MID2: variants seen among roughly 807,000 people sequenced by gnomAD.
MID2 encodes the protein midline 2.
Under a neutral mutation model 46.1 loss-of-function variants are expected in MID2, and 13 were observed. The ratio of observed to expected loss-of-function variants is 0.28; its 90% CI spans 0.18 to 0.45. The LOEUF (loss-of-function observed/expected upper bound fraction) is 0.45, where lower values mean the gene tolerates loss of function less well. Among genes scored for constraint, MID2 ranks in the 20% least tolerant of loss-of-function variants. MID2 has a pLI of 1.00. For synonymous variants in MID2, 199 were observed against 212.3 expected (o/e 0.94, Z 0.55); for missense variants, 431 against 575.4 (o/e 0.75, Z 2.57).
intron 3 of MID2, among the ~76,000 whole-genome samples, chrX:107,901,991 AG>A (rs1932797950): frequency 1.8e-5 from 2 of 111,885 alleles, no homozygotes; most frequent in Admixed American, 1.9e-4. Context: ...ATTGAAGAAA[AG>A]GGTGTTGTTA....
chrX:107,882,485 C>G (rs1376985239), intron 3 of MID2, among the ~76,000 whole-genome samples: 1 of 110,887 alleles, frequency 9.0e-6, no homozygotes, highest in Non-Finnish European at 1.9e-5. Flanking sequence ...CCAGAATCTA[C>G]AGTGAACTCA....
intron 1 of MID2, among the ~76,000 whole-genome samples, chrX:107,832,636 T>C (rs773894604): frequency 6.3e-5 from 7 of 111,636 alleles, no homozygotes; most frequent in Non-Finnish European, 1.3e-4. Flanking sequence ...TAATTTGGTT[T>C]AGATCCAGGA....
intron 3 of MID2, among the ~76,000 whole-genome samples, chrX:107,862,385 C>T (rs1338479746): frequency 8.9e-6 from 1 of 111,744 alleles, no homozygotes; most frequent in Non-Finnish European, 1.9e-5. Flanking sequence ...CATATATCAA[C>T]TAAAACTTTT....
intron 1 of MID2, among the ~76,000 whole-genome samples, chrX:107,827,795 G>A (rs1307636963): frequency 9.6e-6 from 1 of 103,641 alleles, no homozygotes; most frequent in Non-Finnish European, 2.0e-5. Flanking sequence ...ACTGTACTGA[G>A]GGAGAAACTG....
At chrX:107,869,090 C>T (rs1205442861) in intron 3 of MID2, among the ~76,000 whole-genome samples, 3 of 109,975 alleles carry the variant, frequency 2.7e-5, no homozygotes, top group South Asian at 3.9e-4. Flanking sequence ...TTCATATTTT[C>T]GGTGGTTTTA....
chrX:107,899,716 C>G (rs1018935487), intron 3 of MID2, among the ~76,000 whole-genome samples: 2 of 109,799 alleles, frequency 1.8e-5, no homozygotes, highest in African/African-American at 6.6e-5. Context: ...CAAGATTGAC[C>G]TAATGGTATT....
At chrX:107,891,487 G>A (rs1328281568) in intron 3 of MID2, among the ~76,000 whole-genome samples, 2 of 110,436 alleles carry the variant, frequency 1.8e-5, no homozygotes, top group African/African-American at 6.6e-5. Context: ...CACCATGTTG[G>A]TCAGGCTGAG....
chrX:107,904,943 T>A (rs1042309255), intron 4 of MID2, among the ~76,000 whole-genome samples: 1 of 111,689 alleles, frequency 9.0e-6, no homozygotes, highest in Non-Finnish European at 1.9e-5. Flanking sequence ...TCCAGGAAAC[T>A]AAAGTTTCCA....
chrX:107,884,450 G>T (rs12387575), intron 3 of MID2, among the ~76,000 whole-genome samples: 164 of 112,061 alleles, frequency 1.5e-3, no homozygotes, highest in African/African-American at 5.1e-3. Context: ...TATTTTACCA[G>T]TCAGAAAGAT....
chrX:107,825,846 T>C (rs1175691798), upstream of MID2: 5 of 236,233 alleles, frequency 2.1e-5, no homozygotes, highest in Non-Finnish European at 3.8e-5. Flanking sequence ...CTGCCTTTGC[T>C]TGCTCAGGTT....
chrX:107,832,080 T>A (rs922068431), intron 1 of MID2, among the ~76,000 whole-genome samples: 2 of 112,375 alleles, frequency 1.8e-5, no homozygotes, highest in Admixed American at 1.9e-4. Context: ...AATGTTTGGA[T>A]TTAAAAACTA....
chrX:107,886,319 C>A (rs1293317144), intron 3 of MID2, among the ~76,000 whole-genome samples: 3 of 111,941 alleles, frequency 2.7e-5, no homozygotes, highest in African/African-American at 9.8e-5. Flanking sequence ...AGGAAGGGAT[C>A]CAGTTTCAGC....
At chrX:107,836,478 C>T (rs370021714) in intron 1 of MID2, among the ~76,000 whole-genome samples, 1 of 111,251 alleles carries the variant, frequency 9.0e-6, no homozygotes, top group East Asian at 2.8e-4. Context: ...GTCTCGATCT[C>T]CTGACCTTGT....
intron 5 of MID2, among the ~76,000 whole-genome samples, chrX:107,907,257 C>T (rs73533439): frequency 0.019 from 2,111 of 112,240 alleles, 52 homozygotes; most frequent in African/African-American, 0.064. Flanking sequence ...ACCTGAAATC[C>T]TTCTGCATTG....
At chrX:107,919,109 C>T (rs769608031) in intron 7 of MID2, among the ~76,000 whole-genome samples, 1 of 110,558 alleles carries the variant, frequency 9.0e-6, no homozygotes, top group East Asian at 2.8e-4. Context: ...GATTGTTGTG[C>T]AGCTATAAAT....
intron 1 of MID2, among the ~76,000 whole-genome samples, chrX:107,827,812 C>T (rs1272095080): frequency 1.9e-5 from 2 of 103,959 alleles, no homozygotes; most frequent in Non-Finnish European, 3.9e-5. Context: ...ACTGTCTTTG[C>T]TATTTTTATA....
intron 3 of MID2, among the ~76,000 whole-genome samples, chrX:107,867,720 G>A (rs1931988321): frequency 9.0e-6 from 1 of 111,570 alleles, no homozygotes; most frequent in Non-Finnish European, 1.9e-5. Flanking sequence ...TAAATATAGG[G>A]GATGTGATGA....
chrX:107,872,575 C>T (rs1352988367), intron 3 of MID2, among the ~76,000 whole-genome samples: 1 of 112,055 alleles, frequency 8.9e-6, no homozygotes, highest in African/African-American at 3.2e-5. Flanking sequence ...GCTTCCCAGG[C>T]CTTTACTCGG....
At chrX:107,886,310 G>A (rs1187212496) in intron 3 of MID2, among the ~76,000 whole-genome samples, 1 of 112,034 alleles carries the variant, frequency 8.9e-6, no homozygotes, top group East Asian at 2.8e-4. Context: ...TAAGGTGTAA[G>A]GAAGGGATCC....
Sources: gnomAD v4.1 joint callset for allele counts (sites outside exome capture counted in the v4.1 genomes callset) on GRCh38, gnomAD v4.1.1 for gene constraint, MANE v1.5 for transcripts, NCBI Gene and HGNC (gene_info 2026-07-23, HGNC 2026-07-21) for gene names.